PPP1R12B: variants seen among roughly 807,000 people sequenced by gnomAD.
PPP1R12B encodes the protein myosin phosphatase target subunit 2.
A neutral mutation model predicts 126.1 loss-of-function variants in PPP1R12B; 76 were observed. The observed-to-expected ratio is 0.60, with a 90% CI of 0.50 to 0.73. The LOEUF is 0.73. Ranked by LOEUF, PPP1R12B falls within the 30% of genes least tolerant of loss-of-function variation. The pLI is 0.00. For missense variants in PPP1R12B, 1,052 were observed against 1,205.1 expected, an observed-to-expected ratio of 0.87 and a Z score of 1.88; for synonymous variants, 356 against 434.7, an observed-to-expected ratio of 0.82 and a Z score of 2.25.
intron 2 of PPP1R12B, among the ~76,000 whole-genome samples, chr1:202,421,915 A>G (rs373703745): frequency 6.6e-6 from 1 of 152,302 alleles, no homozygotes; most frequent in East Asian, 1.9e-4. Flanking sequence ...ATTACTTAAT[A>G]TGTATGAACC....
At chr1:202,453,345 T>C (rs1218413135) in intron 13 of PPP1R12B, among the ~76,000 whole-genome samples, 2 of 152,254 alleles carry the variant, frequency 1.3e-5, no homozygotes, top group East Asian at 1.9e-4. Context: ...TTGGTCATGA[T>C]GAATTATCTT....
At chr1:202,567,694 T>TA in intron 21 of PPP1R12B, 84 bp from the exon 22 acceptor site, 7 of 1,420,842 alleles carry the variant, frequency 4.9e-6, no homozygotes, top group Non-Finnish European at 6.9e-6. Context: ...TCTAGATGTC[T>TA]AGTAGTGAAG....
intron 18 of PPP1R12B, chr1:202,539,797 A>T (rs955372538): frequency 1.2e-5 from 2 of 163,508 alleles, no homozygotes; most frequent in African/African-American, 4.8e-5. Flanking sequence ...TTGGAGAGCA[A>T]GGCTCAATAA....
intron 1 of PPP1R12B, among the ~76,000 whole-genome samples, chr1:202,353,879 C>T (rs191987519): frequency 3.9e-4 from 60 of 152,154 alleles, no homozygotes; most frequent in African/African-American, 1.4e-3. Context: ...TCCCAAAGTG[C>T]TCGGATTACA....
intron 13 of PPP1R12B, among the ~76,000 whole-genome samples, chr1:202,474,922 T>C (rs1676447328): frequency 6.6e-6 from 1 of 152,202 alleles, no homozygotes; most frequent in Non-Finnish European, 1.5e-5. Flanking sequence ...AAATGTAGTA[T>C]TTGGCCAGAC....
At chr1:202,525,645 A>G (rs1412117992) in intron 18 of PPP1R12B, among the ~76,000 whole-genome samples, 5 of 148,790 alleles carry the variant, frequency 3.4e-5, no homozygotes, top group African/African-American at 1.3e-4. Flanking sequence ...TTTTTCAGGA[A>G]GGGGGGTTAG....
chr1:202,366,757 C>T (rs1659309300), intron 1 of PPP1R12B, among the ~76,000 whole-genome samples: 1 of 151,980 alleles, frequency 6.6e-6, no homozygotes, highest in Admixed American at 6.6e-5. Context: ...AATTGTGGTG[C>T]TATTAGAGCA....
At chr1:202,480,596 A>G (rs758020243) in intron 13 of PPP1R12B, among the ~76,000 whole-genome samples, 1 of 152,246 alleles carries the variant, frequency 6.6e-6, no homozygotes, top group Non-Finnish European at 1.5e-5. Context: ...AGCAGAAATT[A>G]GAATTTTAGA....
chr1:202,495,332 A>C lies in PPP1R12B; in HGVS notation c.2185A>C (p.Lys729Gln). ...CCTGAGGTGCCCAGCTCAGCCAGAC[A>C]AACCCACCACGCCAGCATCTCCTTC... ...HRLRCPAQPDKPTTPASPSTS... is the reference protein window; with the variant it reads ...HRLRCPAQPDQPTTPASPSTS... The change falls in exon 16 of 24, where the codon AAA becomes CAA. Residue 729 changes from lysine (K) to glutamine (Q), a missense_variant. Physicochemically the swap from Lys to Gln is moderately conservative, Grantham distance 53. Transcript: ENST00000608999. 2 of 1,590,214 alleles carry C rather than the reference A, an allele frequency of 1.3e-6. 1 individual carries two copies. Among genetic ancestry groups the C allele is most frequent in the Middle Eastern group, 3.4e-4 (2 of 5,912 alleles).
chr1:202,378,970 C>G lies in PPP1R12B; in HGVS notation c.291+29828C>G, dbSNP rs75136553. ...GCCCACTCTTTGCCCAGATTTCTAC[C>G]CCAACCCACTTTCTCTATATTCTTT... is the stretch of plus-strand genomic sequence containing the variant. On this transcript the variant is annotated intron_variant, in intron 1 of 23. Coordinates refer to ENST00000608999, the MANE Select transcript of PPP1R12B (RefSeq NM_002481.4). Among the ~76,000 whole-genome samples the G allele has an allele frequency of 7.1e-3, 1,080 of 152,186 alleles. 4 individuals carry two copies. Among genetic ancestry groups the G allele is most frequent in the Non-Finnish European group, 9.2e-3 (628 of 68,014 alleles).
chr1:202,361,976 C>T (rs1326176752), intron 1 of PPP1R12B, among the ~76,000 whole-genome samples: 1 of 151,824 alleles, frequency 6.6e-6, no homozygotes, highest in East Asian at 1.9e-4. Context: ...AGAAATTGGC[C>T]CTTCTAATTG....
chr1:202,527,698 T>A (rs769725674), intron 18 of PPP1R12B, among the ~76,000 whole-genome samples: 19 of 151,980 alleles, frequency 1.3e-4, no homozygotes, highest in Non-Finnish European at 2.6e-4. Flanking sequence ...CTCCCCAACC[T>A]CCTGCCCAAA....
chr1:202,447,448 A>G (rs1407237812), intron 12 of PPP1R12B, among the ~76,000 whole-genome samples: 12 of 152,212 alleles, frequency 7.9e-5, no homozygotes, highest in South Asian at 6.2e-4. Flanking sequence ...TATTTTATTT[A>G]ATCATTAGAA....
chr1:202,469,711 G>A (rs907885662), intron 13 of PPP1R12B, among the ~76,000 whole-genome samples: 3 of 152,096 alleles, frequency 2.0e-5, no homozygotes, highest in Non-Finnish European at 4.4e-5. Context: ...ATATGCCACC[G>A]AGTCTTAGAG....
chr1:202,352,369 G>A (rs1048317818), intron 1 of PPP1R12B, among the ~76,000 whole-genome samples: 4 of 152,050 alleles, frequency 2.6e-5, no homozygotes, highest in Admixed American at 6.6e-5. Context: ...TTATTGCTGT[G>A]GGAAGAGGCA....
chr1:202,463,533 G>GA (rs1674585014), intron 13 of PPP1R12B, among the ~76,000 whole-genome samples: 1 of 152,146 alleles, frequency 6.6e-6, no homozygotes, highest in Non-Finnish European at 1.5e-5. Flanking sequence ...GGCAATTACA[G>GA]AAAGAAGCTC....
Position 202,494,692 on chromosome 1 carries a change from C to G in PPP1R12B, c.2146-601C>G, listed in dbSNP as rs180708465. Among the ~76,000 whole-genome samples the G allele has an allele frequency of 1.1e-4, 17 of 147,844 alleles. No individual in the cohort carries two copies. In the East Asian group the frequency reaches 3.2e-3, roughly 28 times the overall value. On this transcript the variant is annotated intron_variant, in intron 15 of 23. Coordinates refer to ENST00000608999, the MANE Select transcript of PPP1R12B (RefSeq NM_002481.4). ...CTGCACTCCAGCCTGGGCAACAGAG[C>G]AAGACTCCGTCTCAAAAAAAAAAAG...
intron 23 of PPP1R12B, chr1:202,576,478 G>A (rs1430336194): frequency 6.6e-6 from 1 of 152,184 alleles, no homozygotes; most frequent in Admixed American, 6.5e-5. Context: ...TCATAGGGCT[G>A]AGCTAATATC....
chr1:202,540,264 G>C, intron 18 of PPP1R12B: 1 of 1,527,730 alleles, frequency 6.5e-7, no homozygotes, highest in Non-Finnish European at 9.0e-7. Context: ...TTTTATTTAC[G>C]TATGTTCATA....
Sources: gnomAD v4.1 joint callset for allele counts (sites outside exome capture counted in the v4.1 genomes callset) on GRCh38, gnomAD v4.1.1 for gene constraint, MANE v1.5 for transcripts, NCBI Gene and HGNC (gene_info 2026-07-23, HGNC 2026-07-21) for gene names.